SNTG2: variants seen among roughly 807,000 people sequenced by gnomAD.
SNTG2 encodes the protein syntrophin gamma 2.
In SNTG2, 74 loss-of-function variants were observed where a neutral mutation model predicts 70.9. That is an observed-to-expected ratio of 1.04 (90% CI 0.86 to 1.27). The LOEUF (loss-of-function observed/expected upper bound fraction) is 1.27, where lower values mean the gene tolerates loss of function less well. SNTG2 is among the 50% of genes most tolerant of loss of function. The probability of loss-of-function intolerance (pLI) is 0.00; values close to 1 mark genes in which losing one functional copy is unlikely to be tolerated. For synonymous variants in SNTG2, 278 were observed against 273.8 expected (o/e 1.02, Z -0.15); for missense variants, 717 against 690.7 (o/e 1.04, Z -0.43).
intron 6 of SNTG2, among the ~76,000 whole-genome samples, chr2:1,159,693 C>T (rs1273556579): frequency 2.0e-5 from 3 of 151,670 alleles, no homozygotes; most frequent in Admixed American, 6.6e-5. Flanking sequence ...CAGAGAAGCC[C>T]GCAGGAGCAA....
At chr2:1,262,972 G>T (rs1678527069) in intron 13 of SNTG2, 1 of 152,250 alleles carries the variant, frequency 6.6e-6, no homozygotes, top group South Asian at 2.1e-4. Flanking sequence ...GTTTTTAAAG[G>T]AGCTACAGGA....
chr2:1,011,982 A>G (rs774096423), intron 1 of SNTG2, among the ~76,000 whole-genome samples: 11 of 152,376 alleles, frequency 7.2e-5, no homozygotes, highest in African/African-American at 1.9e-4. Context: ...ATAGACAAAG[A>G]TGGCATATTT....
chr2:1,362,849 A>G (rs13396482), intron 16 of SNTG2, among the ~76,000 whole-genome samples: 101,415 of 141,284 alleles, frequency 0.72, 36,973 homozygotes, highest in East Asian at 0.94. Flanking sequence ...CATGGAAGTT[A>G]CCAATGCTGA....
intron 1 of SNTG2, among the ~76,000 whole-genome samples, chr2:1,082,178 A>G (rs889397021): frequency 1.3e-5 from 2 of 152,212 alleles, no homozygotes; most frequent in Non-Finnish European, 2.9e-5. Flanking sequence ...AACAAGCCCA[A>G]CAAGCCCTTC....
chr2:1,276,549 A>C (rs900837046), intron 14 of SNTG2, among the ~76,000 whole-genome samples: 17 of 152,234 alleles, frequency 1.1e-4, no homozygotes, highest in Non-Finnish European at 1.6e-4. Flanking sequence ...TCAGAAAAAA[A>C]GATTCCTTTC....
At chr2:1,001,029 T>C (rs1293277533) in intron 1 of SNTG2, among the ~76,000 whole-genome samples, 1 of 151,992 alleles carries the variant, frequency 6.6e-6, no homozygotes, top group Non-Finnish European at 1.5e-5. Context: ...CATATAATCA[T>C]CTCAATAGAT....
chr2:1,080,798 C>T (rs1664239148), intron 1 of SNTG2, among the ~76,000 whole-genome samples: 1 of 152,062 alleles, frequency 6.6e-6, no homozygotes, highest in South Asian at 2.1e-4. Context: ...TTGGAAGAGG[C>T]ATGGCTGCTT....
intron 9 of SNTG2, among the ~76,000 whole-genome samples, chr2:1,217,716 A>C (rs1674492309): frequency 6.6e-6 from 1 of 152,208 alleles, no homozygotes; most frequent in African/African-American, 2.4e-5. Context: ...TCTGTTATGT[A>C]GAAATGTCTG....
intron 11 of SNTG2, among the ~76,000 whole-genome samples, chr2:1,245,266 A>G (rs1677354446): frequency 6.6e-6 from 1 of 152,002 alleles, no homozygotes; most frequent in South Asian, 2.1e-4. Flanking sequence ...TTAAAGTATA[A>G]TAATAAAAAA....
intron 16 of SNTG2, among the ~76,000 whole-genome samples, chr2:1,365,892 G>T (rs1661452439): frequency 1.3e-5 from 2 of 152,194 alleles, no homozygotes; most frequent in Admixed American, 1.3e-4. Context: ...AGCTGAGATG[G>T]ATGTTATTGG....
intron 2 of SNTG2, among the ~76,000 whole-genome samples, chr2:1,092,761 C>G (rs1023168235): frequency 6.6e-6 from 1 of 152,122 alleles, no homozygotes. Flanking sequence ...GATAAGTTAT[C>G]TATGTCATAG....
chr2:1,063,452 C>T (rs1662954438), intron 1 of SNTG2, among the ~76,000 whole-genome samples: 1 of 152,118 alleles, frequency 6.6e-6, no homozygotes, highest in African/African-American at 2.4e-5. Context: ...CTCTCAGGCA[C>T]AGCTGGCTCT....
At chr2:1,025,169 T>G (rs11127446) in intron 1 of SNTG2, among the ~76,000 whole-genome samples, 28,270 of 152,008 alleles carry the variant, frequency 0.19, 3,352 homozygotes, top group Non-Finnish European at 0.27. Context: ...GGATGATGAG[T>G]AATGCAGGGT....
chr2:1,130,485 C>T (rs769616666), intron 4 of SNTG2, among the ~76,000 whole-genome samples: 8 of 152,116 alleles, frequency 5.3e-5, no homozygotes, highest in Non-Finnish European at 1.0e-4. Flanking sequence ...TGTAACACTG[C>T]TGAAATTATT....
At chr2:1,294,788 A>G (rs1680132145) in intron 14 of SNTG2, among the ~76,000 whole-genome samples, 1 of 152,212 alleles carries the variant, frequency 6.6e-6, no homozygotes, top group Non-Finnish European at 1.5e-5. Context: ...ACACAAACCT[A>G]AGTCCTCAGG....
chr2:1,187,334 G>A (rs977912678), intron 8 of SNTG2, among the ~76,000 whole-genome samples: 1 of 152,138 alleles, frequency 6.6e-6, no homozygotes, highest in Non-Finnish European at 1.5e-5. Context: ...AGTGCTTTCG[G>A]TAAAGCACAT....
At chr2:1,329,562 G>A (rs930464754) in intron 16 of SNTG2, among the ~76,000 whole-genome samples, 5 of 152,118 alleles carry the variant, frequency 3.3e-5, no homozygotes, top group African/African-American at 9.7e-5. Context: ...GCCTGTCTAC[G>A]CACAATGGCC....
chr2:1,313,747 C>T (rs561133805), intron 15 of SNTG2, among the ~76,000 whole-genome samples: 21 of 152,154 alleles, frequency 1.4e-4, no homozygotes, highest in African/African-American at 4.1e-4. Flanking sequence ...GTCACGCCTG[C>T]GCCCATGGAG....
At chr2:993,031 T>C (rs1227811094) in intron 1 of SNTG2, among the ~76,000 whole-genome samples, 1 of 151,864 alleles carries the variant, frequency 6.6e-6, no homozygotes, top group Non-Finnish European at 1.5e-5. Context: ...TGTGGACATT[T>C]TACATAGTGT....
Sources: gnomAD v4.1 joint callset for allele counts (sites outside exome capture counted in the v4.1 genomes callset) on GRCh38, gnomAD v4.1.1 for gene constraint, MANE v1.5 for transcripts, NCBI Gene and HGNC (gene_info 2026-07-23, HGNC 2026-07-21) for gene names.